ADCK1: variants seen among roughly 807,000 people sequenced by gnomAD.
The protein encoded by ADCK1 is aarF domain containing kinase 1.
ADCK1 carries 41 observed loss-of-function variants against 52.3 expected under a neutral mutation model. The observed-to-expected ratio is 0.78, with a 90% CI of 0.61 to 1.02. The LOEUF (loss-of-function observed/expected upper bound fraction) is 1.02, where lower values mean the gene tolerates loss of function less well. ADCK1 is among the 50% of genes least tolerant of loss of function. ADCK1 has a pLI of 0.00. For missense variants in ADCK1, 658 were observed against 679.5 expected (o/e 0.97, Z 0.35); for synonymous variants, 250 against 274.6 (o/e 0.91, Z 0.89).
intron 4 of ADCK1, among the ~76,000 whole-genome samples, chr14:77,876,881 C>G (rs1213696816): frequency 6.6e-6 from 1 of 152,196 alleles, no homozygotes; most frequent in Non-Finnish European, 1.5e-5. Context: ...CCAAGTGAAT[C>G]CAGAAAGCTT....
At chr14:77,850,843 G>T (rs749856481) in intron 3 of ADCK1, among the ~76,000 whole-genome samples, 10 of 151,036 alleles carry the variant, frequency 6.6e-5, no homozygotes, top group African/African-American at 2.4e-4. Context: ...TTTTAGTAGC[G>T]ATGTGGTTTC....
rs564325521 is a variant in ADCK1 at position 77,834,381 on chromosome 14, C to T, written c.219+11863C>T. Reference sequence around the variant, plus strand: ...CTTTGAGAAACAAGGCTGCAGCATCCGTAGCAGATGCTACTGGGCTATGCC... The same window carrying T: ...CTTTGAGAAACAAGGCTGCAGCATCTGTAGCAGATGCTACTGGGCTATGCC... On this transcript the variant is annotated intron_variant, in intron 3 of 10. Transcript: ENST00000238561. Among the ~76,000 whole-genome samples, 4 of 152,328 alleles carry T rather than the reference C, an allele frequency of 2.6e-5. 1 individual carries two copies. Among genetic ancestry groups the T allele is most frequent in the African/African-American group, 9.6e-5 (4 of 41,576 alleles).
intron 1 of ADCK1, among the ~76,000 whole-genome samples, chr14:77,814,357 G>A (rs545263978): frequency 1.3e-5 from 2 of 151,580 alleles, no homozygotes; most frequent in Non-Finnish European, 2.9e-5. Context: ...GGGATTACAG[G>A]TGTGAGCCAC....
At chr14:77,882,409 T>C (rs565956877) in intron 4 of ADCK1, among the ~76,000 whole-genome samples, 1 of 152,368 alleles carries the variant, frequency 6.6e-6, no homozygotes, top group East Asian at 1.9e-4. Context: ...GAGGCAGGCT[T>C]CCGTCTGCAT....
intron 3 of ADCK1, among the ~76,000 whole-genome samples, chr14:77,822,905 G>T (rs775164110): frequency 8.5e-5 from 13 of 152,194 alleles, no homozygotes; most frequent in Non-Finnish European, 1.5e-4. Context: ...AGAGGCCAGT[G>T]TGTGTTTCTG....
chr14:77,865,537 C>T (rs2082643604), intron 4 of ADCK1, among the ~76,000 whole-genome samples: 1 of 152,144 alleles, frequency 6.6e-6, no homozygotes, highest in Admixed American at 6.5e-5. Flanking sequence ...AATGCTTGGC[C>T]CAGTATCTGG....
At chr14:77,839,348 C>T (rs1447191064) in intron 3 of ADCK1, among the ~76,000 whole-genome samples, 1 of 152,150 alleles carries the variant, frequency 6.6e-6, no homozygotes, top group Non-Finnish European at 1.5e-5. Context: ...CTTCCCATGG[C>T]CCTGCTGCCC....
chr14:77,886,099 A>G (rs1191575384), intron 4 of ADCK1, among the ~76,000 whole-genome samples: 1 of 152,248 alleles, frequency 6.6e-6, no homozygotes, highest in Non-Finnish European at 1.5e-5. Context: ...TTCGAGTGGC[A>G]TTGCAGGTGA....
chr14:77,825,626 GAAT>G (rs941995746), intron 3 of ADCK1, among the ~76,000 whole-genome samples: 1 of 150,566 alleles, frequency 6.6e-6, no homozygotes, highest in African/African-American at 2.5e-5. Context: ...ACGAACGAGT[GAAT>G]GAAATGTTAG....
chr14:77,832,272 C>T (rs551071442), intron 3 of ADCK1, among the ~76,000 whole-genome samples: 141 of 152,322 alleles, frequency 9.3e-4, no homozygotes, highest in Non-Finnish European at 8.8e-4. Context: ...CGTGAGCCAC[C>T]GCACCTGGCC....
chr14:77,821,898 A>C (rs2081591835), intron 2 of ADCK1, among the ~76,000 whole-genome samples: 1 of 151,446 alleles, frequency 6.6e-6, no homozygotes, highest in African/African-American at 2.4e-5. Flanking sequence ...TCAGAAAAAA[A>C]AAAAAAAAAA....
intron 6 of ADCK1, among the ~76,000 whole-genome samples, chr14:77,901,562 G>A (rs1315094079): frequency 6.6e-6 from 1 of 151,352 alleles, no homozygotes; most frequent in East Asian, 1.9e-4. Flanking sequence ...GCTAATTTTT[G>A]TATTTTTAGT....
At chr14:77,869,878 C>T (rs4519275) in intron 4 of ADCK1, among the ~76,000 whole-genome samples, 3,188 of 152,238 alleles carry the variant, frequency 0.021, 51 homozygotes, top group Middle Eastern at 0.041. Flanking sequence ...AGGGCCTGAC[C>T]CTGCTCCCCA....
chr14:77,865,957 T>A (rs1035295723), intron 4 of ADCK1, among the ~76,000 whole-genome samples: 1 of 152,188 alleles, frequency 6.6e-6, no homozygotes, highest in African/African-American at 2.4e-5. Context: ...GAGAGACTCG[T>A]AAATGGCAGA....
rs986355178 is a variant in ADCK1, at chr14:77,925,657, G to A, written c.1009-107G>A. ...GGGGGAGAAACAGATGTCGTGGGAA[G>A]GCACAGTCCTCACCGTCGTCTTTTG... On this transcript the variant is annotated intron_variant, in intron 8 of 10. Coordinates refer to ENST00000238561, the MANE Select transcript of ADCK1 (RefSeq NM_020421.4). The A allele has an allele frequency of 4.6e-6, 5 of 1,094,258 alleles. No homozygotes were observed. The African/African-American group carries it at 4.7e-5, about 10-fold the overall frequency. The allele number at this position is 1,094,258 out of a possible 1,614,324, so 67.8% of individuals were successfully genotyped here.
At chr14:77,880,178 T>TTGAGGGAA (rs1188423922) in intron 4 of ADCK1, among the ~76,000 whole-genome samples, 1 of 152,220 alleles carries the variant, frequency 6.6e-6, no homozygotes, top group Non-Finnish European at 1.5e-5. Flanking sequence ...TGTCAGCCGC[T>TTGAGGGAA]GGTCATCATC....
intron 10 of ADCK1, 81 bp downstream of exon 10, chr14:77,931,792 C>G (rs1402963577): frequency 1.4e-6 from 2 of 1,457,976 alleles, no homozygotes; most frequent in Non-Finnish European, 1.9e-6. Flanking sequence ...CCACCTTTCC[C>G]CACCAGTCTA....
At chr14:77,803,240 A>G (rs2081149855) in intron 1 of ADCK1, among the ~76,000 whole-genome samples, 1 of 152,082 alleles carries the variant, frequency 6.6e-6, no homozygotes, top group African/African-American at 2.4e-5. Flanking sequence ...TTGGTATAAT[A>G]GTCTCTCTAG....
At chr14:77,875,129 G>A (rs766719007) in intron 4 of ADCK1, among the ~76,000 whole-genome samples, 7 of 152,152 alleles carry the variant, frequency 4.6e-5, no homozygotes, top group African/African-American at 1.4e-4. Flanking sequence ...GGCAGTTATG[G>A]TCATCCAGGC....
Sources: allele counts gnomAD v4.1 joint callset (sites outside exome capture counted in the v4.1 genomes callset), GRCh38; gene constraint gnomAD v4.1.1; transcripts MANE v1.5; gene names NCBI Gene and HGNC (gene_info 2026-07-23, HGNC 2026-07-21).